CRIP2: variants seen among roughly 807,000 people sequenced by gnomAD.
CRIP2 encodes the protein cysteine-rich protein 2.
Under a neutral mutation model 31.3 loss-of-function variants are expected in CRIP2, and 31 were observed. The ratio of observed to expected loss-of-function variants is 0.99; its 90% CI spans 0.74 to 1.34. CRIP2 has a LOEUF of 1.34. Ranked by LOEUF, CRIP2 falls within the 40% of genes most tolerant of loss-of-function variation. CRIP2 has a pLI of 0.00. For synonymous variants in CRIP2, 177 were observed against 127.2 expected, an observed-to-expected ratio of 1.39 and a Z score of -2.63; for missense variants, 389 against 301.6, an observed-to-expected ratio of 1.29 and a Z score of -2.15.
upstream of CRIP2, chr14:105,474,630 C>A: frequency 7.5e-6 from 2 of 267,746 alleles, no homozygotes; most frequent in Non-Finnish European, 1.1e-5. The surrounding 1 kb of genome is among the most constrained non-coding windows in gnomAD (Gnocchi z 5.1). Flanking sequence ...GCGCGAGGGG[C>A]CCGGGGGCGC....
chr14:105,478,259 C>T lies in CRIP2; in HGVS notation c.44-7C>T, dbSNP rs782548161. The T allele has an allele frequency of 2.6e-6, 4 of 1,539,870 alleles. No individual in the cohort carries two copies. Among genetic ancestry groups the T allele is most frequent in the South Asian group, 1.2e-5 (1 of 84,106 alleles). ...GCCCTGACCCCCCTGCCGCCCCTCC[C>T]GCTCAGCCGAGAAGGTGAGCTCCCT... On this transcript the variant is annotated splice_region_variant and splice_polypyrimidine_tract_variant and intron_variant, in intron 1 of 7. Coordinates refer to ENST00000329146, the MANE Select transcript of CRIP2 (RefSeq NM_001312.4). The surrounding 1 kb of genome is among the most constrained non-coding windows in gnomAD (Gnocchi z 4.9).
Position 105,478,412 on chromosome 14 carries a change from C to A in CRIP2, c.139-38C>A. ...GGGGCGGGGGTCGCGACTCCCGCCA[C>A]CCTCAGGCAGGGTCCTGACCCGCGC... On this transcript the variant is annotated intron_variant, in intron 2 of 7. Transcript: ENST00000329146. The surrounding 1 kb of genome is among the most constrained non-coding windows in gnomAD (Gnocchi z 4.9). 6.3e-7 allele frequency: 1 copy of A among 1,589,644 alleles called. No homozygotes were observed.
chr14:105,476,088 GAGCCCGCTC>G, intron 1 of CRIP2: 1 of 985,594 alleles, frequency 1.0e-6, no homozygotes, highest in Non-Finnish European at 1.2e-6. Flanking sequence ...GCCTCTCCTG[GAGCCCGCTC>G]AGCCCTCAGT....
chr14:105,475,764 C>G (rs921903052), intron 1 of CRIP2: 17 of 954,200 alleles, frequency 1.8e-5, no homozygotes, highest in Admixed American at 6.2e-5. Context: ...CTTCCTACCC[C>G]CTTCCTCCTG....
At chr14:105,479,415 A>C (rs1595458151) in intron 6 of CRIP2, 21 bp from the exon 7 acceptor site, 1 of 1,612,498 alleles carries the variant, frequency 6.2e-7, no homozygotes, top group Non-Finnish European at 8.5e-7. Flanking sequence ...CTCCTCCCTC[A>C]GCACCCACCT....
intron 1 of CRIP2, chr14:105,476,040 T>G: frequency 2.0e-6 from 2 of 985,446 alleles, no homozygotes; most frequent in Non-Finnish European, 2.4e-6. Flanking sequence ...TGGCCTGGAG[T>G]GCTTCTGGCG....
upstream of CRIP2, chr14:105,474,752 G>A (rs2083895091): frequency 9.2e-7 from 1 of 1,088,686 alleles, no homozygotes; most frequent in Non-Finnish European, 1.1e-6. This position sits in a 1 kb window ranked among gnomAD's most constrained non-coding sequence, Gnocchi z 5.1. Flanking sequence ...GCCCCGCCCC[G>A]GCCGCGGAGC....
rs1050018979 is a variant in CRIP2, at chr14:105,478,089, G to A, written c.44-177G>A. Among the ~76,000 whole-genome samples the A allele has an allele frequency of 6.6e-5, 10 of 151,572 alleles. No individual in the cohort carries two copies. The highest frequency in any genetic ancestry group is 1.5e-4 in the Non-Finnish European group (10 of 67,804). On this transcript the variant is annotated intron_variant, in intron 1 of 7. Coordinates refer to ENST00000329146, the MANE Select transcript of CRIP2 (RefSeq NM_001312.4). This position sits in a 1 kb window ranked among gnomAD's most constrained non-coding sequence, Gnocchi z 4.9. Reference sequence around the variant, plus strand: ...AGGGAGAACAGGGCCTGGGGGCGACGGGCTCCTCCGGGTCTCAGAAGGAGG... The same window carrying A: ...AGGGAGAACAGGGCCTGGGGGCGACAGGCTCCTCCGGGTCTCAGAAGGAGG...
chr14:105,477,165 T>G (rs2083949385), intron 1 of CRIP2: 1 of 596,940 alleles, frequency 1.7e-6, no homozygotes, highest in Non-Finnish European at 2.1e-6. Flanking sequence ...GAATTCCGGC[T>G]CTGCTGGGCC....
At chr14:105,473,212 C>T (rs1555435111), upstream of CRIP2, 3 of 1,532,872 alleles carry the variant, frequency 2.0e-6, no homozygotes, top group African/African-American at 4.1e-5. Flanking sequence ...CTGGGCCTGC[C>T]AGGGAGGAAG....
chr14:105,479,032 A>G lies in CRIP2; in HGVS notation c.391A>G (p.Lys131Glu). 1 of 1,581,816 alleles carries G rather than the reference A, an allele frequency of 6.3e-7. No individual in the cohort carries two copies. Among genetic ancestry groups the G allele is most frequent in the Non-Finnish European group, 8.6e-7 (1 of 1,166,404 alleles). Residue 131 changes from lysine (K) to glutamate (E), a missense_variant, in exon 5 of 8, where the codon AAG becomes GAG. Physicochemically the swap from Lys to Glu is moderately conservative, Grantham distance 56. Transcript: ENST00000329146. ...GEPNTCPRCS[K>E]KVYFAEKVTS... is the part of the protein sequence containing the mutation. ...GCCCAACACGTGCCCGCGCTGCAGC[A>G]AGAAGGTGTACTTCGGTGAGTGCGC...
At position 105,478,716 on chromosome 14, in the gene CRIP2, T is replaced by C. The variant is rs1487241058; in HGVS notation, c.197-15T>C. The stretch of plus-strand genomic sequence containing the variant: ...CCACCCCACGTACCCCCGCCCCACG[T>C]ACCCCCACCCGCAGGCGTGAACATC... On this transcript the variant is annotated splice_polypyrimidine_tract_variant and intron_variant, in intron 3 of 7. Transcript: ENST00000329146. This position sits in a 1 kb window ranked among gnomAD's most constrained non-coding sequence, Gnocchi z 4.9. 148 of 1,414,694 alleles carry C rather than the reference T, an allele frequency of 1.0e-4. No individual in the cohort carries two copies. Among genetic ancestry groups the C allele is most frequent in the Non-Finnish European group, 1.3e-4 (146 of 1,086,666 alleles). 87.6% of individuals were successfully genotyped at this position (1,414,694 alleles called of 1,614,324 possible).
At position 105,478,733 on chromosome 14, in the gene CRIP2, G is replaced by A. The variant is rs1265775732; in HGVS notation, c.199G>A (p.Val67Met). Residue 67 changes from valine (V) to methionine (M), a missense_variant and splice_region_variant, in exon 4 of 8, where the codon GTG becomes ATG. By Grantham distance (21) the Val-to-Met change is conservative. Coordinates refer to ENST00000329146, the MANE Select transcript of CRIP2 (RefSeq NM_001312.4). This position sits in a 1 kb window ranked among gnomAD's most constrained non-coding sequence, Gnocchi z 4.9. ...CYATLFGPKGVNIGGAGSYIY... is the reference protein window; with the variant it reads ...CYATLFGPKGMNIGGAGSYIY... The stretch of plus-strand genomic sequence containing the variant: ...GCCCCACGTACCCCCACCCGCAGGC[G>A]TGAACATCGGGGGCGCGGGCTCCTA... 3 of 1,426,760 alleles carry A rather than the reference G, an allele frequency of 2.1e-6. No individual in the cohort carries two copies. Among genetic ancestry groups the A allele is most frequent in the Non-Finnish European group, 2.7e-6 (3 of 1,094,894 alleles). The allele number at this position is 1,426,760 out of a possible 1,614,324, so 88.4% of individuals were successfully genotyped here.
chr14:105,479,603 G>T lies in CRIP2; in HGVS notation c.577G>T (p.Val193Leu). The change falls in exon 8 of 8, where the codon GTG (valine) becomes TTG (leucine). Residue 193 changes from valine (V) to leucine (L), a missense_variant. By Grantham distance (32) the Val-to-Leu change is conservative (BLOSUM62 1). Transcript: ENST00000329146. ...CTCCACAGGAGTGAACACCGGTGCGGTGGGCAGCTACATCTATGACCGGGA... is the reference window on the plus strand; with the variant it reads ...CTCCACAGGAGTGAACACCGGTGCGTTGGGCAGCTACATCTATGACCGGGA... ...FGPKGVNTGA[V>L]GSYIYDRDPE... The T allele has an allele frequency of 6.2e-7, 1 of 1,612,798 alleles. No individual in the cohort carries two copies. The highest frequency in any genetic ancestry group is 8.5e-7 in the Non-Finnish European group (1 of 1,179,946).
Position 105,478,950 on chromosome 14 carries a change from C to T in CRIP2, c.338-29C>T, listed in dbSNP as rs782707252. On this transcript the variant is annotated intron_variant, in intron 4 of 7. Transcript: ENST00000329146. The surrounding 1 kb of genome is among the most constrained non-coding windows in gnomAD (Gnocchi z 4.9). ...TGGGGGTTGTGGGCACCCCCGGCCC[C>T]GCCCCGCCCTGACTCGTGCGCCCCA... is the stretch of plus-strand genomic sequence containing the variant. 22 of 1,541,118 alleles carry T rather than the reference C, an allele frequency of 1.4e-5. No individual in the cohort carries two copies. In the South Asian group the frequency reaches 2.5e-4, roughly 17 times the overall value.
intron 5 of CRIP2, 28 bp from the exon 6 acceptor site, chr14:105,479,097 G>T: frequency 6.2e-7 from 1 of 1,605,474 alleles, no homozygotes; most frequent in Non-Finnish European, 8.5e-7. Flanking sequence ...CCGCCCCGGG[G>T]CTCGGCCTCA....
At position 105,474,927 on chromosome 14, in the gene CRIP2, G is replaced by T; in HGVS notation, c.43+22G>T. 6.7e-7 allele frequency: 1 copy of T among 1,500,486 alleles called. No homozygotes were observed. The highest frequency in any genetic ancestry group is 1.5e-5 in the African/African-American group (1 of 68,836). The allele number at this position is 1,500,486 out of a possible 1,614,324, so 92.9% of individuals were successfully genotyped here. On this transcript the variant is annotated intron_variant, in intron 1 of 7. Transcript: ENST00000329146. This position sits in a 1 kb window ranked among gnomAD's most constrained non-coding sequence, Gnocchi z 5.1. Reference sequence around the variant, plus strand: ...TTCGGTGAGTGCGTGCCCGCTCCCGGCCCGCTCGGTGCATCCCGCCGCCCT... The same window carrying T: ...TTCGGTGAGTGCGTGCCCGCTCCCGTCCCGCTCGGTGCATCCCGCCGCCCT...
Position 105,478,117 on chromosome 14 carries a change from C to T in CRIP2, c.44-149C>T, listed in dbSNP as rs1193411723. The T allele has an allele frequency of 3.2e-6, 2 of 617,696 alleles. No homozygotes were observed. Among genetic ancestry groups the T allele is most frequent in the Non-Finnish European group, 5.4e-6 (2 of 370,224 alleles). The allele number at this position is 617,696 out of a possible 1,614,324, so 38.3% of individuals were successfully genotyped here. ...CTCCTCCGGGTCTCAGAAGGAGGGG[C>T]AGGGCCCGCCAGGTGGAAGGAAGGC... On this transcript the variant is annotated intron_variant, in intron 1 of 7. Transcript: ENST00000329146. This position sits in a 1 kb window ranked among gnomAD's most constrained non-coding sequence, Gnocchi z 4.9.
intron 1 of CRIP2, among the ~76,000 whole-genome samples, chr14:105,477,807 G>A (rs1435686607): frequency 3.4e-5 from 4 of 118,534 alleles, no homozygotes; most frequent in Non-Finnish European, 7.2e-5. Flanking sequence ...AGATTTGTGG[G>A]GGGAGGCGGG....
Sources: gnomAD v4.1 joint callset for allele counts (sites outside exome capture counted in the v4.1 genomes callset) on GRCh38, gnomAD v4.1.1 for gene constraint, Gnocchi (gnomAD v3.1) non-coding constraint, MANE v1.5 for transcripts, NCBI Gene and HGNC (gene_info 2026-07-23, HGNC 2026-07-21) for gene names.